CNOT4: variants seen among roughly 807,000 people sequenced by gnomAD.
The protein encoded by CNOT4 is CCR4-NOT transcription complex subunit 4.
A neutral mutation model predicts 73.8 loss-of-function variants in CNOT4; 8 were observed. The observed-to-expected ratio is 0.11, with a 90% CI of 0.06 to 0.20. CNOT4 has a LOEUF of 0.20. Among genes scored for constraint, CNOT4 ranks in the 10% least tolerant of loss-of-function variants. CNOT4 has a pLI of 1.00. For missense variants in CNOT4, 564 were observed against 883.4 expected (o/e 0.64, Z 4.58); for synonymous variants, 293 against 321.1 (o/e 0.91, Z 0.94).
chr7:135,443,357 A>C (rs985035420), intron 1 of CNOT4, among the ~76,000 whole-genome samples: 126 of 150,986 alleles, frequency 8.3e-4, no homozygotes, highest in Non-Finnish European at 1.5e-3. Flanking sequence ...CCTGTCACAA[A>C]AAAAAAAAAA....
At chr7:135,439,123 T>C (rs1313098448) in intron 1 of CNOT4, among the ~76,000 whole-genome samples, 1 of 152,216 alleles carries the variant, frequency 6.6e-6, no homozygotes, top group Non-Finnish European at 1.5e-5. Context: ...TATAACTTTT[T>C]AGATTATAGG....
intron 10 of CNOT4, among the ~76,000 whole-genome samples, chr7:135,366,719 C>T (rs530967855): frequency 2.0e-5 from 3 of 152,296 alleles, no homozygotes; most frequent in Non-Finnish European, 4.4e-5. Flanking sequence ...ATGCTTTTAG[C>T]TCTTGGAATA....
chr7:135,377,567 T>C (rs1228688283), intron 10 of CNOT4, among the ~76,000 whole-genome samples: 1 of 152,240 alleles, frequency 6.6e-6, no homozygotes, highest in African/African-American at 2.4e-5. Flanking sequence ...TTTTTTGTTT[T>C]CAATTTGCAA....
At chr7:135,449,459 A>T (rs1458509591) in intron 1 of CNOT4, among the ~76,000 whole-genome samples, 3 of 152,244 alleles carry the variant, frequency 2.0e-5, no homozygotes, top group Non-Finnish European at 4.4e-5. Context: ...CTAGACCCAG[A>T]AAGTACAACA....
At chr7:135,367,042 T>C (rs1794954534) in intron 10 of CNOT4, among the ~76,000 whole-genome samples, 1 of 152,104 alleles carries the variant, frequency 6.6e-6, no homozygotes, top group Admixed American at 6.6e-5. Flanking sequence ...TGTTGTGGAG[T>C]GCTGTCCTAA....
chr7:135,432,542 C>G (rs1798908117), intron 2 of CNOT4, among the ~76,000 whole-genome samples: 1 of 152,204 alleles, frequency 6.6e-6, no homozygotes. Flanking sequence ...ACAAATCCCT[C>G]TTGCAGTTCT....
intron 10 of CNOT4, among the ~76,000 whole-genome samples, chr7:135,392,665 G>C (rs1796461500): frequency 2.0e-5 from 3 of 152,072 alleles, no homozygotes; most frequent in Admixed American, 6.5e-5. Flanking sequence ...GAACAAATAA[G>C]AGTCCCAACA....
intron 1 of CNOT4, among the ~76,000 whole-genome samples, chr7:135,494,549 A>G (rs1270111995): frequency 6.6e-6 from 1 of 151,858 alleles, no homozygotes; most frequent in Non-Finnish European, 1.5e-5. Flanking sequence ...ATGGTAGATT[A>G]ACTTATTAAT....
intron 3 of CNOT4, among the ~76,000 whole-genome samples, chr7:135,420,232 ATC>A (rs1245797598): frequency 6.6e-6 from 1 of 152,052 alleles, no homozygotes; most frequent in Non-Finnish European, 1.5e-5. Context: ...GAGCTCTCAA[ATC>A]AAGATAAAAG....
At chr7:135,455,534 C>G (rs924182269) in intron 1 of CNOT4, among the ~76,000 whole-genome samples, 3 of 151,434 alleles carry the variant, frequency 2.0e-5, no homozygotes, top group African/African-American at 7.3e-5. Context: ...TAAATAAATA[C>G]ATACTTCAGG....
intron 1 of CNOT4, among the ~76,000 whole-genome samples, chr7:135,468,555 C>A (rs938333834): frequency 6.6e-6 from 1 of 151,984 alleles, no homozygotes. Context: ...GTGGTGGGCA[C>A]CTGTAGTCCC....
intron 1 of CNOT4, among the ~76,000 whole-genome samples, chr7:135,504,462 A>ATTTTTTTTTTT (rs34100799): frequency 3.4e-4 from 19 of 55,942 alleles, no homozygotes; most frequent in East Asian, 2.5e-3. Flanking sequence ...CATCCGGCTA[A>ATTTTTTTTTTT]TTTTTTTTTT....
chr7:135,365,778 T>C (rs141900867), intron 10 of CNOT4, among the ~76,000 whole-genome samples: 10 of 152,294 alleles, frequency 6.6e-5, no homozygotes, highest in African/African-American at 2.4e-4. Flanking sequence ...AGAGATATTG[T>C]GACTAAAGGA....
At chr7:135,507,088 TC>T (rs1804425951) in intron 1 of CNOT4, among the ~76,000 whole-genome samples, 1 of 152,186 alleles carries the variant, frequency 6.6e-6, no homozygotes, top group South Asian at 2.1e-4. Context: ...AGCTAGGAGT[TC>T]ATCCACTGGC....
At chr7:135,395,190 C>T (rs527391565) in intron 9 of CNOT4, among the ~76,000 whole-genome samples, 27 of 151,934 alleles carry the variant, frequency 1.8e-4, no homozygotes, top group African/African-American at 6.3e-4. Context: ...GAGTTCAAGA[C>T]CTGGGCAGTA....
intron 1 of CNOT4, among the ~76,000 whole-genome samples, chr7:135,489,686 G>A (rs1031327991): frequency 1.3e-5 from 2 of 152,096 alleles, no homozygotes; most frequent in African/African-American, 4.8e-5. Flanking sequence ...ATGAGCCACT[G>A]CGCCTGGCCG....
chr7:135,459,507 G>T (rs530845475), intron 1 of CNOT4, among the ~76,000 whole-genome samples: 1 of 152,230 alleles, frequency 6.6e-6, no homozygotes, highest in South Asian at 2.1e-4. Context: ...CTATTCTAAG[G>T]ATGTACTTTT....
chr7:135,410,721 G>A, intron 6 of CNOT4, 73 bp from the exon 7 acceptor site: 2 of 934,084 alleles, frequency 2.1e-6, no homozygotes, highest in Non-Finnish European at 1.5e-6. Flanking sequence ...ATAATCTTCT[G>A]AATTATTAAA....
intron 1 of CNOT4, among the ~76,000 whole-genome samples, chr7:135,487,400 AT>A (rs896270524): frequency 1.3e-5 from 2 of 150,146 alleles, no homozygotes; most frequent in East Asian, 3.9e-4. Flanking sequence ...CACCCAGATA[AT>A]TTTTTTTTGT....
Sources: gnomAD v4.1 joint callset for allele counts (sites outside exome capture counted in the v4.1 genomes callset) on GRCh38, gnomAD v4.1.1 for gene constraint, MANE v1.5 for transcripts, NCBI Gene and HGNC (gene_info 2026-07-23, HGNC 2026-07-21) for gene names.